HP: variants seen among roughly 807,000 people sequenced by gnomAD.
HP encodes the protein haptoglobin, also known as haptoglobin alpha(1S)-beta.
HP carries 9 observed loss-of-function variants against 23.2 expected under a neutral mutation model. That is an observed-to-expected ratio of 0.39 (90% CI 0.23 to 0.68). HP has a LOEUF of 0.68. HP is among the 30% of genes least tolerant of loss of function. The pLI, the probability that HP is intolerant of heterozygous loss-of-function variation, is 0.47. For synonymous variants in HP, 155 were observed against 183.3 expected (o/e 0.85, Z 1.25); for missense variants, 433 against 483.6 (o/e 0.90, Z 0.98).
rs771954033 is a variant in HP, at chr16:72,056,552, C to A, written c.111C>A (p.Pro37=). Residue 37 remains proline (P), a synonymous_variant, in exon 3 of 7, where the codon CCC becomes CCA. Transcript: ENST00000355906. ...CAGATGACGGCTGCCCGAAGCCCCC[C>A]GAGATTGCACATGGCTATGTGGAGC... ...DIADDGCPKP[P]EIAHGYVEHS... is the part of the protein sequence containing the mutation. The A allele has an allele frequency of 4.0e-6, 6 of 1,487,118 alleles. No homozygotes were observed. The African/African-American group carries it at 6.1e-5, about 15-fold the overall frequency. The allele number at this position is 1,487,118 out of a possible 1,614,324, so 92.1% of individuals were successfully genotyped here.
chr16:72,060,662 GC>G lies in HP; in HGVS notation c.996del (p.Ile333TyrfsTer2), dbSNP rs1220057106. Reference protein sequence around the residue: ...KTPKSPVGVQPILNEHTFCAG... With the variant: ...KTPKSPVGVQXILNEHTFCAG... ...CACCGAAGAGCCCTGTAGGGGTGCA[GC>G]CCATACTGAATGAACACACCTTCTG... On this transcript the variant is annotated frameshift_variant, in exon 7 of 7. Transcript: ENST00000355906. LOFTEE classifies it high-confidence loss of function. 11 of 1,614,064 alleles carry G rather than the reference GC, an allele frequency of 6.8e-6. No homozygotes were observed. The highest frequency in any genetic ancestry group is 7.6e-6 in the Non-Finnish European group (9 of 1,180,030).
chr16:72,055,123 G>A, intron 1 of HP: 1 of 175,982 alleles, frequency 5.7e-6, no homozygotes, highest in African/African-American at 2.4e-5. Flanking sequence ...TTTTTGAAAT[G>A]TTGAAATAAT....
intron 6 of HP, 134 bp downstream of exon 6, chr16:72,059,322 G>C: frequency 2.3e-6 from 3 of 1,285,712 alleles, no homozygotes; most frequent in Non-Finnish European, 3.3e-6. Context: ...AGCTGGCCAG[G>C]GAGAGACTTA....
chr16:72,059,420 G>A (rs544644668), intron 6 of HP: 14 of 659,084 alleles, frequency 2.1e-5, no homozygotes, highest in Non-Finnish European at 3.1e-5. Flanking sequence ...TGTCTACATC[G>A]CCCACAGATT....
chr16:72,060,361 T>C lies in HP; in HGVS notation c.692T>C (p.Val231Ala), dbSNP rs1185368886. Residue 231 changes from valine (V) to alanine (A), a missense_variant, in exon 7 of 7, where the codon GTA becomes GCA. Val to Ala is a moderately conservative substitution (Grantham distance 64, BLOSUM62 0). This residue lies in a region of HP where 326 missense variants were observed against 358.1 expected (regional missense o/e 0.91). Transcript: ENST00000355906. ...LTLYVGKKQLVEIEKVVLHPN... is the reference protein window; with the variant it reads ...LTLYVGKKQLAEIEKVVLHPN... Reference sequence around the variant, plus strand: ...CTCTATGTGGGGAAAAAGCAGCTTGTAGAGATTGAGAAGGTTGTTCTACAC... The same window carrying C: ...CTCTATGTGGGGAAAAAGCAGCTTGCAGAGATTGAGAAGGTTGTTCTACAC... 1.2e-6 allele frequency: 2 copies of C among 1,613,998 alleles called. No homozygotes were observed. Among genetic ancestry groups the C allele is most frequent in the East Asian group, 2.2e-5 (1 of 44,846 alleles).
chr16:72,054,830 C>T (rs1453552477), intron 1 of HP, 173 bp downstream of exon 1: 3 of 748,380 alleles, frequency 4.0e-6, no homozygotes, highest in Non-Finnish European at 6.8e-6. Context: ...CCATAGAAGA[C>T]AGTGCTGCTG....
chr16:72,056,354 G>A lies in HP; in HGVS notation c.88+111G>A, dbSNP rs945025499. The A allele has an allele frequency of 5.1e-6, 8 of 1,559,896 alleles. No homozygotes were observed. In the African/African-American group the frequency reaches 1.1e-4, roughly 21 times the overall value. ...CTTATCTCGACCTCTGGGCTTTCAG[G>A]ACCATAAAGAACATTGGGGTTCCTG... On this transcript the variant is annotated intron_variant, in intron 2 of 6. Transcript: ENST00000355906.
chr16:72,054,831 A>T (rs565491068), intron 1 of HP, 174 bp downstream of exon 1: 10 of 737,982 alleles, frequency 1.4e-5, no homozygotes, highest in South Asian at 5.3e-5. Flanking sequence ...CATAGAAGAC[A>T]GTGCTGCTGT....
At chr16:72,056,014 G>A (rs2041453307) in intron 1 of HP, 147 bp from the exon 2 acceptor site, 5 of 1,361,776 alleles carry the variant, frequency 3.7e-6, no homozygotes, top group African/African-American at 1.4e-5. Context: ...TCCATATATC[G>A]ACTTTCTTTT....
chr16:72,059,307 A>G, intron 6 of HP, 119 bp downstream of exon 6: 3 of 1,380,270 alleles, frequency 2.2e-6, no homozygotes, highest in Admixed American at 3.7e-5. Flanking sequence ...ATGTGGGAGA[A>G]CCGCAGCTGG....
At position 72,057,626 on chromosome 16, in the gene HP, G is replaced by C. The variant is rs576759586; in HGVS notation, c.265+160G>C. ...GGCCAGGGAGAGACTTAAGCAGTTA[G>C]GTGATGACTCCCTAAGGGTCACCAA... On this transcript the variant is annotated intron_variant, in intron 4 of 6. Transcript: ENST00000355906. 3.7e-5 allele frequency: 28 copies of C among 747,186 alleles called. 4 individuals are homozygous for C. The East Asian group carries it at 4.5e-4, about 12-fold the overall frequency. 46.3% of individuals were successfully genotyped at this position (747,186 alleles called of 1,614,324 possible). A position where few individuals can be genotyped will look rare whatever the true frequency, so the allele number is the denominator to read the frequency against.
At chr16:72,059,458 G>A in intron 6 of HP, 2 of 549,952 alleles carry the variant, frequency 3.6e-6, no homozygotes, top group East Asian at 3.4e-5. Context: ...CAGAGAGCCT[G>A]CTAGAGAGCC....
In HP at chr16:72,056,549, C is replaced by G. The variant is rs774314840; in HGVS notation, c.108C>G (p.Pro36=). Reference sequence around the variant, plus strand: ...TTGCAGATGACGGCTGCCCGAAGCCCCCCGAGATTGCACATGGCTATGTGG... The same window carrying G: ...TTGCAGATGACGGCTGCCCGAAGCCGCCCGAGATTGCACATGGCTATGTGG... ...TDIADDGCPK[P]PEIAHGYVEH... The change falls in exon 3 of 7, where the codon CCC becomes CCG. Residue 36 remains proline (P), a synonymous_variant. Transcript: ENST00000355906. 16 of 1,499,224 alleles carry G rather than the reference C, an allele frequency of 1.1e-5. No homozygotes were observed. In the South Asian group the frequency reaches 1.7e-4, roughly 16 times the overall value. The allele number at this position is 1,499,224 out of a possible 1,614,324, so 92.9% of individuals were successfully genotyped here.
intron 1 of HP, 92 bp from the exon 2 acceptor site, chr16:72,056,069 G>GTT (rs2041455346): frequency 6.6e-7 from 1 of 1,516,868 alleles, no homozygotes; most frequent in African/African-American, 1.4e-5. Flanking sequence ...ATGTGTGTGT[G>GTT]TGTGTGTGTA....
intron 1 of HP, chr16:72,054,872 A>C (rs1222518405): frequency 5.1e-5 from 45 of 889,136 alleles, no homozygotes; most frequent in Non-Finnish European, 7.6e-5. Context: ...TACTCTCAGG[A>C]GTGTCTTTTT....
rs11648989 is a variant in HP at position 72,059,101 on chromosome 16, C to A, written c.368-13C>A. On this transcript the variant is annotated splice_polypyrimidine_tract_variant and intron_variant, in intron 5 of 6. Coordinates refer to ENST00000355906, the MANE Select transcript of HP (RefSeq NM_005143.5). ...GACTTCTCCTTTGGCTCACTTCTTG[C>A]CTTTTGTTTCAGGAGTGTACACCTT... is the stretch of plus-strand genomic sequence containing the variant. 2 of 1,563,538 alleles carry A rather than the reference C, an allele frequency of 1.3e-6. No individual in the cohort carries two copies. Among genetic ancestry groups the A allele is most frequent in the African/African-American group, 3.1e-5 (2 of 64,066 alleles).
intron 1 of HP, 135 bp downstream of exon 1, chr16:72,054,792 G>C (rs1294603472): frequency 7.0e-7 from 1 of 1,423,506 alleles, no homozygotes; most frequent in East Asian, 2.5e-5. Context: ...AAAGGGCTTA[G>C]TGTGTTAAAT....
chr16:72,060,226 C>T lies in HP; in HGVS notation c.557C>T (p.Thr186Ile). The T allele has an allele frequency of 3.7e-6, 6 of 1,614,182 alleles. No homozygotes were observed. The highest frequency in any genetic ancestry group is 5.1e-6 in the Non-Finnish European group (6 of 1,180,040). The change falls in exon 7 of 7, where the codon ACC becomes ATC. Residue 186 changes from threonine to isoleucine, a missense_variant. Physicochemically the swap from Thr to Ile is moderately conservative, Grantham distance 89. Transcript: ENST00000355906. ...QAKMVSHHNL[T>I]TGATLINEQW... is the part of the protein sequence containing the mutation. ...AAGATGGTTTCCCACCATAATCTCA[C>T]CACAGGTGCCACGCTGATCAATGAA...
intron 2 of HP, 23 bp downstream of exon 2, chr16:72,056,266 G>C: frequency 6.2e-7 from 1 of 1,609,020 alleles, no homozygotes; most frequent in Non-Finnish European, 8.5e-7. Flanking sequence ...TTGGGTAGGA[G>C]TGTGCATCCC....
Sources: gnomAD v4.1 joint callset for allele counts on GRCh38, gnomAD v4.1.1 for gene constraint, gnomAD v4.1.1 regional missense constraint, MANE v1.5 for transcripts, NCBI Gene and HGNC (gene_info 2026-07-23, HGNC 2026-07-21) for gene names.